The following MINAR1 variants were observed in gnomAD, a reference collection of about 807,000 sequenced individuals.
MINAR1 encodes major intrinsically disordered Notch2-binding receptor 1.
A neutral mutation model predicts 65.1 loss-of-function variants in MINAR1; 40 were observed. The ratio of observed to expected loss-of-function variants is 0.61; its 90% CI spans 0.48 to 0.80. The LOEUF is 0.80. Among genes scored for constraint, MINAR1 ranks in the 30% least tolerant of loss-of-function variants. The probability of loss-of-function intolerance (pLI) is 0.00; values close to 1 mark genes in which losing one functional copy is unlikely to be tolerated. For missense variants in MINAR1, 1,128 were observed against 1,148.0 expected, an observed-to-expected ratio of 0.98 and a Z score of 0.25; for synonymous variants, 482 against 449.1, an observed-to-expected ratio of 1.07 and a Z score of -0.93.
upstream of MINAR1, among the ~76,000 whole-genome samples, chr15:79,428,710 A>G (rs1338927777): frequency 6.6e-6 from 1 of 152,206 alleles, no homozygotes; most frequent in Non-Finnish European, 1.5e-5. Context: ...AACTATCTCA[A>G]GTTTACCTAG....
rs2141315973 is a variant in MINAR1, at chr15:79,470,542, A to G, written c.*2158A>G. 1 of 151,486 alleles carries G rather than the reference A, an allele frequency of 6.6e-6. No individual in the cohort carries two copies. Among genetic ancestry groups the G allele is most frequent in the African/African-American group, 2.5e-5 (1 of 40,784 alleles). The allele number at this position is 151,486 out of a possible 1,614,324, so 9.4% of individuals were successfully genotyped here. A position where few individuals can be genotyped will look rare whatever the true frequency, so the allele number is the denominator to read the frequency against. ...GAGGCTGGACCAAACCACTTTTTCC[A>G]CTGCCCTTGGTGAATCTATTCCTAG... On this transcript the variant is annotated 3_prime_UTR_variant, in exon 4 of 4. Coordinates refer to ENST00000305428, the MANE Select transcript of MINAR1 (RefSeq NM_015206.3).
chr15:79,468,414 T>C lies in MINAR1; in HGVS notation c.*30T>C. ...AGAATGCAACCTTACGTACAGCTTA[T>C]GACTACCAATGTCGTCGTCTGTATC... On this transcript the variant is annotated 3_prime_UTR_variant, in exon 4 of 4. Coordinates refer to ENST00000305428, the MANE Select transcript of MINAR1 (RefSeq NM_015206.3). 1 of 1,589,242 alleles carries C rather than the reference T, an allele frequency of 6.3e-7. No individual in the cohort carries two copies. Among genetic ancestry groups the C allele is most frequent in the Non-Finnish European group, 8.6e-7 (1 of 1,160,912 alleles).
At position 79,457,557 on chromosome 15, in the gene MINAR1, C is replaced by T. The variant is rs1895477943; in HGVS notation, c.1410C>T (p.Asp470=). 8.7e-6 allele frequency: 14 copies of T among 1,614,042 alleles called. No individual in the cohort carries two copies. The highest frequency in any genetic ancestry group is 1.3e-5 in the African/African-American group (1 of 74,930). The part of the protein sequence containing the change: ...INCTSGQLSS[D]TSSVGTQTEH... ...GCACCAGTGGGCAGCTCAGCTCAGA[C>T]ACCAGTAGCGTGGGCACCCAGACTG... Residue 470 remains aspartate (D), a synonymous_variant, in exon 2 of 4, where the codon GAC becomes GAT. Coordinates refer to ENST00000305428, the MANE Select transcript of MINAR1 (RefSeq NM_015206.3).
chr15:79,456,246 T>A lies in MINAR1; in HGVS notation c.99T>A (p.Ser33=). The A allele has an allele frequency of 6.2e-7, 1 of 1,614,126 alleles. No homozygotes were observed. Among genetic ancestry groups the A allele is most frequent in the Non-Finnish European group, 8.5e-7 (1 of 1,180,024 alleles). The change falls in exon 2 of 4, where the codon TCT becomes TCA. Residue 33 remains serine (S), a synonymous_variant. Transcript: ENST00000305428. ...NTVSYQDLCK[S]LCARFDLSQL... ...TTTCTTATCAGGACCTGTGCAAATC[T>A]CTCTGTGCCCGGTTCGACCTGTCGC...
Position 79,456,362 on chromosome 15 carries a change from C to CTG in MINAR1, c.218_219dup (p.Asn74Ter). On this transcript the variant is annotated frameshift_variant, in exon 2 of 4. Transcript: ENST00000305428. LOFTEE classifies it high-confidence loss of function. ...CTATTCAAAGACAAGATGAAATGCA[C>CTG]TGTGAATAACCAGCAATCAAAGAAA... 4 of 1,614,180 alleles carry CTG rather than the reference C, an allele frequency of 2.5e-6. No homozygotes were observed. Among genetic ancestry groups the CTG allele is most frequent in the Non-Finnish European group, 3.4e-6 (4 of 1,180,050 alleles).
chr15:79,434,844 G>A (rs1894549383), intron 1 of MINAR1, among the ~76,000 whole-genome samples: 1 of 152,156 alleles, frequency 6.6e-6, no homozygotes, highest in Admixed American at 6.5e-5. Context: ...ATATGACCTT[G>A]GTAAATTATG....
chr15:79,414,423 A>G, the MINAR1 span: 2 of 152,356 alleles, frequency 1.3e-5, no homozygotes, highest in South Asian at 2.1e-4. Flanking sequence ...GAACAAATGA[A>G]TGAGTAAACC....
rs79982509 is a variant in MINAR1, at chr15:79,456,919, A to C, written c.772A>C (p.Asn258His). The change falls in exon 2 of 4, where the codon AAT (asparagine) becomes CAT (histidine). Residue 258 changes from asparagine (N) to histidine (H), a missense_variant. Transcript: ENST00000305428. ...GGTCCAGTCCTGTGTCCAGAAAAGG[A>C]ATATCTTCAAAGAGGATTTTCACAA... Reference protein sequence around the residue: ...FVVQSCVQKRNIFKEDFHNLM... With the variant: ...FVVQSCVQKRHIFKEDFHNLM... 74,134 of 1,614,100 alleles carry C rather than the reference A, an allele frequency of 0.046. 1,932 individuals are homozygous for C. Among genetic ancestry groups the C allele is most frequent in the Middle Eastern group, 0.066 (398 of 6,062 alleles).
chr15:79,454,939 T>G (rs1895360317), intron 1 of MINAR1, among the ~76,000 whole-genome samples: 7 of 152,112 alleles, frequency 4.6e-5, no homozygotes, highest in Admixed American at 4.6e-4. Context: ...TGTGAACAGT[T>G]TTTGAATTGG....
chr15:79,456,001 G>A (rs886622801), intron 1 of MINAR1, 97 bp from the exon 2 acceptor site: 1 of 668,004 alleles, frequency 1.5e-6, no homozygotes, highest in African/African-American at 1.8e-5. Flanking sequence ...GTTTTTCTCT[G>A]TATTTCTTTA....
chr15:79,416,672 G>A, the MINAR1 span: 7 of 152,114 alleles, frequency 4.6e-5, no homozygotes, highest in Non-Finnish European at 8.8e-5. Context: ...AATAGCAAAC[G>A]GGAAAAGTGA....
Position 79,456,431 on chromosome 15 carries a change from A to G in MINAR1, c.284A>G (p.Gln95Arg), listed in dbSNP as rs371146246. 2 of 1,614,234 alleles carry G rather than the reference A, an allele frequency of 1.2e-6. No homozygotes were observed. Among genetic ancestry groups the G allele is most frequent in the Non-Finnish European group, 1.7e-6 (2 of 1,180,042 alleles). ...ADIVTIFNLI[Q>R]MNGGAAKEKL... ...ATTGTGACGATATTCAACCTGATCCAAATGAATGGCGGGGCTGCCAAGGAG... is the reference window on the plus strand; with the variant it reads ...ATTGTGACGATATTCAACCTGATCCGAATGAATGGCGGGGCTGCCAAGGAG... The change falls in exon 2 of 4, where the codon CAA (glutamine) becomes CGA (arginine). Residue 95 changes from glutamine (Q) to arginine (R), a missense_variant. By Grantham distance (43) the Gln-to-Arg change is conservative. Coordinates refer to ENST00000305428, the MANE Select transcript of MINAR1 (RefSeq NM_015206.3).
chr15:79,439,428 A>AGTGTGTGTGTGG (rs137952274), intron 1 of MINAR1, among the ~76,000 whole-genome samples: 14 of 142,062 alleles, frequency 9.9e-5, no homozygotes, highest in African/African-American at 3.4e-4. Context: ...TGGGGTAGGC[A>AGTGTGTGTGTGG]GTGTGTGTGG....
chr15:79,461,493 T>C (rs759640916), intron 2 of MINAR1, among the ~76,000 whole-genome samples: 1 of 152,200 alleles, frequency 6.6e-6, no homozygotes, highest in Non-Finnish European at 1.5e-5. Context: ...CTGCATGCAA[T>C]AGGAGCTCTC....
chr15:79,428,713 T>C (rs886110661), upstream of MINAR1, among the ~76,000 whole-genome samples: 1 of 152,182 alleles, frequency 6.6e-6, no homozygotes, highest in African/African-American at 2.4e-5. Flanking sequence ...TATCTCAAGT[T>C]TACCTAGATA....
At chr15:79,421,602 G>C in the MINAR1 span, 2 of 152,362 alleles carry the variant, frequency 1.3e-5, no homozygotes, top group East Asian at 1.9e-4. Context: ...GGGATGAAGA[G>C]GTCATGCCAC....
intron 2 of MINAR1, among the ~76,000 whole-genome samples, chr15:79,460,106 C>T (rs1895593494): frequency 6.6e-6 from 1 of 152,226 alleles, no homozygotes; most frequent in African/African-American, 2.4e-5. Context: ...TCAGTCAGAT[C>T]CGCTCGATAG....
chr15:79,463,762 T>C (rs1895739126), intron 3 of MINAR1: 1 of 458,018 alleles, frequency 2.2e-6, no homozygotes, highest in Non-Finnish European at 4.4e-6. Context: ...CAGCCCCAGG[T>C]AAGAGCCATC....
In MINAR1 at chr15:79,457,938, C is replaced by A; in HGVS notation, c.1791C>A (p.Cys597Ter). Residue 597 changes from cysteine (C) to a stop codon, truncating the protein, a stop_gained, in exon 2 of 4, where the codon TGC becomes TGA. Coordinates refer to ENST00000305428, the MANE Select transcript of MINAR1 (RefSeq NM_015206.3). LOFTEE classifies it high-confidence loss of function. The part of the protein sequence containing the change: ...HSEEELKTSV[C>*]KLVLRIGEIE... ...AAGAAGAGCTGAAGACCAGTGTGTG[C>A]AAACTGGTGCTCAGGATTGGCGAAA... 1.2e-6 allele frequency: 2 copies of A among 1,614,114 alleles called. No homozygotes were observed. The highest frequency in any genetic ancestry group is 2.2e-5 in the East Asian group (1 of 44,872).
Sources: allele counts gnomAD v4.1 joint callset (sites outside exome capture counted in the v4.1 genomes callset), GRCh38; gene constraint gnomAD v4.1.1; transcripts MANE v1.5; gene names NCBI Gene and HGNC (gene_info 2026-07-23, HGNC 2026-07-21).